The following TRHDE variants were observed in gnomAD, a reference collection of about 807,000 sequenced individuals.
TRHDE encodes thyrotropin releasing hormone degrading enzyme, also known as thyrotropin-releasing hormone-degrading ectoenzyme.
Under a neutral mutation model 125.7 loss-of-function variants are expected in TRHDE, and 72 were observed. The observed-to-expected ratio is 0.57, with a 90% CI of 0.47 to 0.70. TRHDE has a LOEUF of 0.70. Ranked by LOEUF, TRHDE falls within the 30% of genes least tolerant of loss-of-function variation. The pLI is 0.00. For synonymous variants in TRHDE, 509 were observed against 509.1 expected (o/e 1.00, Z 0.00); for missense variants, 1,110 against 1,327.1 (o/e 0.84, Z 2.54).
intron 2 of TRHDE, among the ~76,000 whole-genome samples, chr12:72,237,335 G>A (rs1443162910): frequency 1.3e-5 from 2 of 152,088 alleles, no homozygotes; most frequent in Non-Finnish European, 2.9e-5. Context: ...AAGTAAATTG[G>A]CTACTAGGTG....
At chr12:72,269,655 C>T (rs556676021), upstream of TRHDE, among the ~76,000 whole-genome samples, 9 of 152,218 alleles carry the variant, frequency 5.9e-5, no homozygotes, top group East Asian at 1.7e-3. Flanking sequence ...TACAAACACA[C>T]AGCAAGACAG....
At chr12:72,373,072 G>A (rs1871688565) in intron 2 of TRHDE, among the ~76,000 whole-genome samples, 1 of 152,158 alleles carries the variant, frequency 6.6e-6, no homozygotes, top group Non-Finnish European at 1.5e-5. Flanking sequence ...TCATTGAGCA[G>A]TGGTTTGTAG....
intron 6 of TRHDE, 29 bp downstream of exon 6, chr12:72,499,664 G>T (rs752670315): frequency 4.4e-6 from 7 of 1,607,396 alleles, no homozygotes; most frequent in Non-Finnish European, 8.5e-7. Context: ...GTGCCAATTA[G>T]ATATTTCATT....
chr12:72,662,632 G>A (rs1458305634), intron 18 of TRHDE, among the ~76,000 whole-genome samples: 1 of 152,152 alleles, frequency 6.6e-6, no homozygotes, highest in Non-Finnish European at 1.5e-5. Context: ...CAGACAAAAT[G>A]TGAACTTTAA....
At chr12:72,476,033 C>T (rs898372847) in intron 5 of TRHDE, among the ~76,000 whole-genome samples, 1 of 152,094 alleles carries the variant, frequency 6.6e-6, no homozygotes, top group Non-Finnish European at 1.5e-5. Context: ...CCTCATGCCT[C>T]AGCCTCCCAA....
chr12:72,342,585 G>A (rs1870131729), intron 2 of TRHDE, among the ~76,000 whole-genome samples: 1 of 152,052 alleles, frequency 6.6e-6, no homozygotes, highest in South Asian at 2.1e-4. Context: ...AACTAGTGAG[G>A]TAAGCAATGA....
chr12:72,426,876 T>G (rs1176394302), intron 3 of TRHDE, among the ~76,000 whole-genome samples: 1 of 152,096 alleles, frequency 6.6e-6, no homozygotes, highest in Non-Finnish European at 1.5e-5. Flanking sequence ...TTTCTCATAT[T>G]TTTATCATTG....
rs1216510047 is a variant in TRHDE, at chr12:72,668,778, A to G, written c.*5583A>G. The G allele has an allele frequency of 6.6e-6, 1 of 151,884 alleles. No homozygotes were observed. Among genetic ancestry groups the G allele is most frequent in the African/African-American group, 2.4e-5 (1 of 41,438 alleles). 9.4% of individuals were successfully genotyped at this position (151,884 alleles called of 1,614,324 possible). A position where few individuals can be genotyped will look rare whatever the true frequency, so the allele number is the denominator to read the frequency against. On this transcript the variant is annotated 3_prime_UTR_variant, in exon 19 of 19. Coordinates refer to ENST00000261180, the MANE Select transcript of TRHDE (RefSeq NM_013381.3). ...GGCAGAGTTGTTATCAGTTTACATA[A>G]TTAATTAGTGGTATTCACTTGGATT... is the stretch of plus-strand genomic sequence containing the variant.
At chr12:72,221,712 G>A (rs987598271) in intron 2 of TRHDE, among the ~76,000 whole-genome samples, 3 of 152,054 alleles carry the variant, frequency 2.0e-5, no homozygotes, top group African/African-American at 4.8e-5. Context: ...ATGACATTAG[G>A]ATAACTGACA....
chr12:72,433,160 G>C (rs544212222), intron 3 of TRHDE, among the ~76,000 whole-genome samples: 1 of 152,204 alleles, frequency 6.6e-6, no homozygotes, highest in East Asian at 1.9e-4. Context: ...ATTTAGCCAT[G>C]GTATATAATC....
intron 6 of TRHDE, among the ~76,000 whole-genome samples, chr12:72,529,420 A>AC (rs1248902092): frequency 2.0e-5 from 3 of 151,902 alleles, no homozygotes; most frequent in Non-Finnish European, 4.4e-5. Flanking sequence ...CCCTTTCTTA[A>AC]CCCCCTGTCC....
At chr12:72,473,218 G>A in intron 5 of TRHDE, 38 bp downstream of exon 5, 1 of 1,505,500 alleles carries the variant, frequency 6.6e-7, no homozygotes, top group Non-Finnish European at 9.2e-7. Flanking sequence ...TTTAGTAAAA[G>A]GCCGATCTAG....
At chr12:72,378,195 G>A in intron 3 of TRHDE, 74 bp downstream of exon 3, 7 of 1,399,476 alleles carry the variant, frequency 5.0e-6, no homozygotes, top group Non-Finnish European at 6.7e-6. Context: ...GTTTATTTGA[G>A]CCATCCAGAA....
Position 72,638,525 on chromosome 12 carries a change from G to T in TRHDE, c.2676-13797G>T, listed in dbSNP as rs1176382916. On this transcript the variant is annotated intron_variant, in intron 15 of 18. Coordinates refer to ENST00000261180, the MANE Select transcript of TRHDE (RefSeq NM_013381.3). ...TTACATTTAAAGTTAATATTGTTATGTGTGAATTTGATCCTGTCATTATGA... is the reference window on the plus strand; with the variant it reads ...TTACATTTAAAGTTAATATTGTTATTTGTGAATTTGATCCTGTCATTATGA... Among the ~76,000 whole-genome samples, 12 of 151,354 alleles carry T rather than the reference G, an allele frequency of 7.9e-5. No individual in the cohort carries two copies. In the East Asian group the frequency reaches 2.0e-3, roughly 25 times the overall value.
intron 2 of TRHDE, among the ~76,000 whole-genome samples, chr12:72,107,877 A>G (rs1434096929): frequency 6.6e-6 from 1 of 152,148 alleles, no homozygotes; most frequent in East Asian, 1.9e-4. Flanking sequence ...ATTGAAGAAT[A>G]CTTCACTGTT....
rs1343940076 is a variant in TRHDE at position 72,667,081 on chromosome 12, A to G, written c.*3886A>G. Reference sequence around the variant, plus strand: ...TAAATCTATGCAGATTAAGTTGTGAAAAACAATGCAATTTTAGTACTACTG... The same window carrying G: ...TAAATCTATGCAGATTAAGTTGTGAGAAACAATGCAATTTTAGTACTACTG... On this transcript the variant is annotated 3_prime_UTR_variant, in exon 19 of 19. Transcript: ENST00000261180. 1 of 151,992 alleles carries G rather than the reference A, an allele frequency of 6.6e-6. No homozygotes were observed. Among genetic ancestry groups the G allele is most frequent in the Non-Finnish European group, 1.5e-5 (1 of 67,930 alleles). The allele number at this position is 151,992 out of a possible 1,614,324, so 9.4% of individuals were successfully genotyped here. A position where few individuals can be genotyped will look rare whatever the true frequency, so the allele number is the denominator to read the frequency against.
intron 15 of TRHDE, among the ~76,000 whole-genome samples, chr12:72,627,712 A>T (rs938275317): frequency 6.6e-6 from 1 of 151,688 alleles, no homozygotes; most frequent in African/African-American, 2.4e-5. Flanking sequence ...AAAAAACGAG[A>T]TCTCGTTCTA....
At chr12:72,089,898 G>A (rs893228851) in intron 1 of TRHDE, among the ~76,000 whole-genome samples, 1 of 152,134 alleles carries the variant, frequency 6.6e-6, no homozygotes, top group Non-Finnish European at 1.5e-5. Context: ...TGAACACTCA[G>A]TAAATATTTG....
At chr12:72,562,265 A>G (rs372956580) in intron 8 of TRHDE, 35 bp downstream of exon 8, 33 of 1,152,908 alleles carry the variant, frequency 2.9e-5, no homozygotes, top group Non-Finnish European at 3.8e-5. Flanking sequence ...CAAAACCTCT[A>G]CTTGAATATT....
Sources: gnomAD v4.1 joint callset for allele counts (sites outside exome capture counted in the v4.1 genomes callset) on GRCh38, gnomAD v4.1.1 for gene constraint, MANE v1.5 for transcripts, NCBI Gene and HGNC (gene_info 2026-07-23, HGNC 2026-07-21) for gene names.